Variants in RAB27A observed in about 807,000 individuals in gnomAD.
The protein encoded by RAB27A is RAB27A, member RAS oncogene family, also known as ras-related protein Rab-27A.
RAB27A carries 17 observed loss-of-function variants against 20.8 expected under a neutral mutation model. That is an observed-to-expected ratio of 0.82 (90% confidence interval 0.56 to 1.23). The LOEUF is 1.23. RAB27A is among the 50% of genes most tolerant of loss of function. The pLI, the probability that RAB27A is intolerant of heterozygous loss-of-function variation, is 0.00. For missense variants in RAB27A, 277 were observed against 266.7 expected (o/e 1.04, Z -0.27); for synonymous variants, 85 against 92.8 (o/e 0.92, Z 0.48).
At chr15:55,224,099 A>C (rs1895702040) in intron 5 of RAB27A, 87 bp from the exon 6 acceptor site, 1 of 1,001,856 alleles carries the variant, frequency 1.0e-6, no homozygotes, top group African/African-American at 1.6e-5. Flanking sequence ...TGCTTTGAAG[A>C]CTATAATGTA....
rs947283383 is a variant in RAB27A at position 55,230,291 on chromosome 15, A to T, written c.239+110T>A. 8.8e-6 allele frequency: 9 copies of T among 1,025,022 alleles called. No homozygotes were observed. In the African/African-American group the frequency reaches 1.4e-4, roughly 16 times the overall value. 63.5% of individuals were successfully genotyped at this position (1,025,022 alleles called of 1,614,324 possible). A position where few individuals can be genotyped will look rare whatever the true frequency, so the allele number is the denominator to read the frequency against. ...TTTCCTGCTAATTTGGCAGCATTCAAGTGCAAACCAACGAATTGGCTGGCT... is the reference window on the plus strand; with the variant it reads ...TTTCCTGCTAATTTGGCAGCATTCATGTGCAAACCAACGAATTGGCTGGCT... On this transcript the variant is annotated intron_variant, in intron 4 of 6. Coordinates refer to ENST00000336787, the MANE Select transcript of RAB27A (RefSeq NM_183235.3).
intron 6 of RAB27A, among the ~76,000 whole-genome samples, chr15:55,222,686 C>T (rs1475559877): frequency 6.6e-6 from 1 of 152,116 alleles, no homozygotes; most frequent in African/African-American, 2.4e-5. Flanking sequence ...AAGAATAAAG[C>T]AGTGATCACA....
chr15:55,293,588 C>G (rs1396420962), upstream of RAB27A, among the ~76,000 whole-genome samples: 1 of 151,886 alleles, frequency 6.6e-6, no homozygotes, highest in African/African-American at 2.4e-5. Context: ...TTGAAAACCA[C>G]AAACCACTAC....
At chr15:55,211,687 CA>C (rs1895032759) in intron 6 of RAB27A, among the ~76,000 whole-genome samples, 1 of 152,112 alleles carries the variant, frequency 6.6e-6, no homozygotes, top group Non-Finnish European at 1.5e-5. Flanking sequence ...ACTCTTAAAG[CA>C]GGCCTGTGGC....
chr15:55,306,117 GGA>G (rs2054995975), intron 2 of RAB27A, among the ~76,000 whole-genome samples: 2 of 152,138 alleles, frequency 1.3e-5, no homozygotes, highest in South Asian at 2.1e-4. Flanking sequence ...TTCGTGGGGG[GGA>G]GTTACCCACC....
chr15:55,260,833 G>T (rs920236675), intron 2 of RAB27A, among the ~76,000 whole-genome samples: 2 of 152,162 alleles, frequency 1.3e-5, no homozygotes, highest in Non-Finnish European at 2.9e-5. Context: ...AAACTATTTT[G>T]TGTGACACTA....
At chr15:55,308,673 ATGGGACTGGG>A (rs1321776397) in intron 2 of RAB27A, among the ~76,000 whole-genome samples, 1 of 152,232 alleles carries the variant, frequency 6.6e-6, no homozygotes, top group Non-Finnish European at 1.5e-5. Flanking sequence ...TCCGGAAGAA[ATGGGACTGGG>A]TTAAGAGTTG....
intron 2 of RAB27A, among the ~76,000 whole-genome samples, chr15:55,257,141 T>C (rs775919288): frequency 6.6e-6 from 1 of 151,598 alleles, no homozygotes; most frequent in Non-Finnish European, 1.5e-5. Context: ...ACATTTGAAG[T>C]GGGGAAGGGA....
intron 2 of RAB27A, among the ~76,000 whole-genome samples, chr15:55,242,333 A>C (rs1477803086): frequency 6.6e-6 from 1 of 152,186 alleles, no homozygotes; most frequent in Non-Finnish European, 1.5e-5. Flanking sequence ...TCTCAGTGTG[A>C]TGGCAAATAG....
Position 55,224,879 on chromosome 15 carries a change from C to T in RAB27A, c.344-867G>A, listed in dbSNP as rs117715601. On this transcript the variant is annotated intron_variant, in intron 5 of 6. Coordinates refer to ENST00000336787, the MANE Select transcript of RAB27A (RefSeq NM_183235.3). ...CAGAAAAGTGTGGACATTTTAGTTC[C>T]TCATTATGAAGTAGTGTTCATCATA... 3.9e-3 allele frequency among the ~76,000 whole-genome samples: 589 copies of T among 152,224 alleles called. 7 individuals carry two copies. In the East Asian group the frequency reaches 0.039, roughly 10 times the overall value.
intron 2 of RAB27A, among the ~76,000 whole-genome samples, chr15:55,251,234 G>A (rs1452215606): frequency 1.3e-5 from 2 of 152,184 alleles, no homozygotes; most frequent in African/African-American, 4.8e-5. Flanking sequence ...GATTTGAAAT[G>A]CTTTGGGTGT....
intron 6 of RAB27A, among the ~76,000 whole-genome samples, chr15:55,209,935 T>G (rs573825666): frequency 8.0e-6 from 1 of 125,050 alleles, no homozygotes; most frequent in African/African-American, 3.6e-5. Flanking sequence ...CATATATGTA[T>G]GTACATGTAC....
chr15:55,309,609 AG>A lies in RAB27A; in HGVS notation c.-112+4429del, dbSNP rs371832208. On this transcript the variant is annotated intron_variant, in intron 2 of 5. Transcript: ENST00000563262. ...GATGTTGGGTTCAAAGGATCTTCAA[AG>A]GCAAACAAGAATTGAGAGTCAGGAT... Among the ~76,000 whole-genome samples the A allele has an allele frequency of 4.9e-3, 740 of 152,312 alleles. 9 individuals are homozygous for A. Among genetic ancestry groups the A allele is most frequent in the African/African-American group, 0.017 (707 of 41,576 alleles).
At chr15:55,269,976 T>G (rs1047830564) in intron 2 of RAB27A, 189 bp downstream of exon 2, 1 of 152,176 alleles carries the variant, frequency 6.6e-6, no homozygotes. Flanking sequence ...ACCCACTCCG[T>G]GGTCACTGAA....
At chr15:55,303,050 C>G (rs867673501) in intron 2 of RAB27A, among the ~76,000 whole-genome samples, 5,357 of 144,110 alleles carry the variant, frequency 0.037, 424 homozygotes, top group African/African-American at 0.14. Flanking sequence ...TCAGCCCCCC[C>G]GCCCGGCCAG....
intron 2 of RAB27A, among the ~76,000 whole-genome samples, chr15:55,312,490 T>C (rs575605446): frequency 6.6e-6 from 1 of 152,334 alleles, no homozygotes; most frequent in African/African-American, 2.4e-5. Flanking sequence ...CCAAAGTGAC[T>C]GCACCATTTT....
exon 2 of RAB27A, chr15:55,314,136 C>G (rs1438524209): frequency 2.0e-5 from 3 of 148,782 alleles, no homozygotes; most frequent in African/African-American, 7.5e-5. Flanking sequence ...TGCACTCCAG[C>G]CTGGGCATCA....
At chr15:55,226,399 G>A (rs1232590454) in intron 5 of RAB27A, among the ~76,000 whole-genome samples, 1 of 152,128 alleles carries the variant, frequency 6.6e-6, no homozygotes, top group East Asian at 1.9e-4. Context: ...AAAGGGAAAG[G>A]GGAGGGTATA....
chr15:55,252,213 G>A (rs963285028), intron 2 of RAB27A, among the ~76,000 whole-genome samples: 4 of 152,152 alleles, frequency 2.6e-5, no homozygotes, highest in African/African-American at 9.7e-5. Flanking sequence ...GAAAAGACCG[G>A]GGGAGGGTGG....
Sources: gnomAD v4.1 joint callset for allele counts (sites outside exome capture counted in the v4.1 genomes callset) on GRCh38, gnomAD v4.1.1 for gene constraint, MANE v1.5 for transcripts, NCBI Gene and HGNC (gene_info 2026-07-23, HGNC 2026-07-21) for gene names.